Variants in PLCH1 observed in about 807,000 individuals in gnomAD.
PLCH1 encodes the protein phospholipase C eta 1.
In PLCH1, 60 loss-of-function variants were observed where a neutral mutation model predicts 126.7. The ratio of observed to expected loss-of-function variants is 0.47; its 90% CI spans 0.38 to 0.59. The LOEUF is 0.59. Among genes scored for constraint, PLCH1 ranks in the 20% least tolerant of loss-of-function variants. The probability of loss-of-function intolerance (pLI) is 0.00; values close to 1 mark genes in which losing one functional copy is unlikely to be tolerated. For synonymous variants in PLCH1, 719 were observed against 734.9 expected (o/e 0.98, Z 0.35); for missense variants, 1,723 against 2,040.0 (o/e 0.84, Z 2.99).
intron 21 of PLCH1, among the ~76,000 whole-genome samples, chr3:155,461,541 T>A (rs543009923): frequency 3.2e-4 from 48 of 152,318 alleles, no homozygotes; most frequent in Middle Eastern, 3.4e-3. Context: ...AAATGTGATT[T>A]GTTTGCCCAG....
chr3:155,718,476 C>T (rs1747691220), intron 1 of PLCH1, among the ~76,000 whole-genome samples: 1 of 152,098 alleles, frequency 6.6e-6, no homozygotes, highest in Admixed American at 6.6e-5. Flanking sequence ...TAAAGAAATA[C>T]CTCAGATTGG....
At chr3:155,523,087 G>A (rs111280546) in intron 11 of PLCH1, among the ~76,000 whole-genome samples, 1,550 of 152,132 alleles carry the variant, frequency 0.01, 14 homozygotes, top group African/African-American at 0.035. Flanking sequence ...CCATTTTCCC[G>A]CCTCAGCCTC....
chr3:155,587,097 T>C (rs995344200), intron 4 of PLCH1, among the ~76,000 whole-genome samples: 2 of 152,200 alleles, frequency 1.3e-5, no homozygotes, highest in African/African-American at 4.8e-5. Flanking sequence ...AAATCTTGTG[T>C]CCCTATTAGT....
rs59152066 is a variant in PLCH1 at position 155,633,412 on chromosome 3, TCACACACACACA to T, written c.80-37046_80-37035del. 3.2e-3 allele frequency among the ~76,000 whole-genome samples: 455 copies of T among 142,448 alleles called. 4 individuals are homozygous for T. The highest frequency in any genetic ancestry group is 9.9e-3 in the East Asian group (48 of 4,850). 93.5% of individuals were successfully genotyped at this position (142,448 alleles called of 152,430 possible). A position where few individuals can be genotyped will look rare whatever the true frequency, so the allele number is the denominator to read the frequency against. On this transcript the variant is annotated intron_variant, in intron 2 of 22. Coordinates refer to ENST00000460012, the MANE Select transcript of PLCH1 (RefSeq NM_014996.4). ...TTCTTTCAGCACTTATTATATAACA[TCACACACACACA>T]CACACACACACACACACACACACAA...
chr3:155,469,424 T>A (rs1433600042), intron 21 of PLCH1, among the ~76,000 whole-genome samples: 1 of 152,226 alleles, frequency 6.6e-6, no homozygotes, highest in African/African-American at 2.4e-5. Context: ...CGGAGGGTCC[T>A]ACGCCCATGG....
chr3:155,609,357 C>A (rs1734762963), intron 2 of PLCH1, among the ~76,000 whole-genome samples: 1 of 152,178 alleles, frequency 6.6e-6, no homozygotes, highest in Non-Finnish European at 1.5e-5. Flanking sequence ...AACACCACAT[C>A]AAGCAATCGC....
intron 10 of PLCH1, among the ~76,000 whole-genome samples, chr3:155,539,943 CA>C (rs1724001465): frequency 6.6e-6 from 1 of 151,918 alleles, no homozygotes; most frequent in African/African-American, 2.4e-5. Flanking sequence ...CAAGACTAAG[CA>C]AAAAGAACAA....
Position 155,485,492 on chromosome 3 carries a change from A to G in PLCH1, c.2838T>C (p.Asp946=). 1 of 1,614,192 alleles carries G rather than the reference A, an allele frequency of 6.2e-7. No homozygotes were observed. The highest frequency in any genetic ancestry group is 8.5e-7 in the Non-Finnish European group (1 of 1,180,002). ...TGCGTGTGGTCCTCCTCAGCACGCC[A>G]TCTTGATCTCTTGTGGCCTCGGACA... ...DSVSEATRDQ[D]GVLRRTTRSL... Residue 946 remains aspartate, a synonymous_variant, in exon 22 of 23, where the codon GAT becomes GAC. Coordinates refer to ENST00000460012, the MANE Select transcript of PLCH1 (RefSeq NM_014996.4).
At chr3:155,539,812 G>A (rs1301680933) in intron 10 of PLCH1, among the ~76,000 whole-genome samples, 2 of 152,028 alleles carry the variant, frequency 1.3e-5, no homozygotes, top group African/African-American at 2.4e-5. Context: ...TAACCATACT[G>A]CCAAAAGCAA....
rs71624571 is a variant in PLCH1, at chr3:155,741,684, C to CTTTTTTTTTTTTTTTTTTTTTTTTTTTTT, written c.-41+3155_-41+3156insAAAAAAAAAAAAAAAAAAAAAAAAAAAAA. On this transcript the variant is annotated intron_variant, in intron 1 of 22. Coordinates refer to ENST00000460012, the MANE Select transcript of PLCH1 (RefSeq NM_014996.4). ...TCCTTTTATCATAATTTTATATCCT[C>CTTTTTTTTTTTTTTTTTTTTTTTTTTTTT]TTTTTTTTTTTTTTTTTTTTGTTCA... Among the ~76,000 whole-genome samples the CTTTTTTTTTTTTTTTTTTTTTTTTTTTTT allele has an allele frequency of 1.7e-4, 17 of 102,860 alleles. 3 individuals are homozygous for CTTTTTTTTTTTTTTTTTTTTTTTTTTTTT. Among genetic ancestry groups the CTTTTTTTTTTTTTTTTTTTTTTTTTTTTT allele is most frequent in the African/African-American group, 6.2e-4 (13 of 20,894 alleles). The allele number at this position is 102,860 out of a possible 152,430, so 67.5% of individuals were successfully genotyped here.
chr3:155,597,816 T>A lies in PLCH1; in HGVS notation c.80-1438A>T, dbSNP rs560334890. 1.2e-3 allele frequency among the ~76,000 whole-genome samples: 181 copies of A among 152,312 alleles called. 2 individuals carry two copies. Among genetic ancestry groups the A allele is most frequent in the African/African-American group, 3.5e-3 (147 of 41,568 alleles). On this transcript the variant is annotated intron_variant, in intron 2 of 22. Transcript: ENST00000460012. ...AATTAAGTATAGTTTCAGGATTCAA[T>A]ACTACAAAGAAGATGAAGTATAGGT...
Position 155,586,158 on chromosome 3 carries a change from A to C in PLCH1, c.507T>G (p.Asn169Lys). Residue 169 changes from asparagine to lysine, a missense_variant, in exon 5 of 23, where the codon AAT becomes AAG. By Grantham distance (94) the Asn-to-Lys change is moderately conservative (BLOSUM62 0). Transcript: ENST00000460012. Reference protein sequence around the residue: ...VKQTFEEADKNGDGLLNIEEI... With the variant: ...VKQTFEEADKKGDGLLNIEEI... Reference sequence around the variant, plus strand: ...CTTCAATATTCAGCAAGCCGTCACCATTCTTATCAGCTTCCTCAAAGGTCT... The same window carrying C: ...CTTCAATATTCAGCAAGCCGTCACCCTTCTTATCAGCTTCCTCAAAGGTCT... 6.2e-7 allele frequency: 1 copy of C among 1,614,106 alleles called. No homozygotes were observed. Among genetic ancestry groups the C allele is most frequent in the Non-Finnish European group, 8.5e-7 (1 of 1,179,940 alleles).
chr3:155,587,198 C>G (rs558136299), intron 4 of PLCH1, among the ~76,000 whole-genome samples: 8 of 152,310 alleles, frequency 5.3e-5, no homozygotes, highest in African/African-American at 1.9e-4. Flanking sequence ...CTGACACTTT[C>G]TGTTTAAGAA....
chr3:155,663,915 G>A (rs977695241), intron 2 of PLCH1, among the ~76,000 whole-genome samples: 2 of 152,082 alleles, frequency 1.3e-5, no homozygotes, highest in African/African-American at 4.8e-5. Context: ...GCAAAATTCA[G>A]GCTATGCAAC....
At chr3:155,654,727 A>G (rs1333225729) in intron 2 of PLCH1, among the ~76,000 whole-genome samples, 3 of 152,146 alleles carry the variant, frequency 2.0e-5, no homozygotes, top group Admixed American at 6.5e-5. Flanking sequence ...ATTTCATGTA[A>G]TAATATCATG....
chr3:155,601,027 T>C (rs1179954447), intron 2 of PLCH1, among the ~76,000 whole-genome samples: 1 of 152,136 alleles, frequency 6.6e-6, no homozygotes, highest in African/African-American at 2.4e-5. Flanking sequence ...CAGGCTGGAG[T>C]GCAGTGGCGT....
chr3:155,586,026 T>G, intron 5 of PLCH1, 39 bp downstream of exon 5: 2 of 1,588,756 alleles, frequency 1.3e-6, no homozygotes. Flanking sequence ...ATAACCTCTG[T>G]GTATTTTATA....
At chr3:155,633,547 A>T (rs1477768797) in intron 2 of PLCH1, among the ~76,000 whole-genome samples, 1 of 152,138 alleles carries the variant, frequency 6.6e-6, no homozygotes, top group Non-Finnish European at 1.5e-5. Flanking sequence ...TTACTGCTAT[A>T]TCTCCCATAC....
intron 2 of PLCH1, among the ~76,000 whole-genome samples, chr3:155,668,849 G>A (rs1356110418): frequency 1.3e-5 from 2 of 152,102 alleles, no homozygotes; most frequent in South Asian, 2.1e-4. Flanking sequence ...CCAAGATCAC[G>A]CCACTGCACT....
Sources: gnomAD v4.1 joint callset for allele counts (sites outside exome capture counted in the v4.1 genomes callset) on GRCh38, gnomAD v4.1.1 for gene constraint, MANE v1.5 for transcripts, NCBI Gene and HGNC (gene_info 2026-07-23, HGNC 2026-07-21) for gene names.